Variants in DOCK4 observed in about 807,000 individuals in gnomAD.
DOCK4 encodes the protein dedicator of cytokinesis protein 4.
DOCK4 carries 97 observed loss-of-function variants against 268.1 expected under a neutral mutation model. The observed-to-expected ratio is 0.36, with a 90% CI of 0.31 to 0.43. The LOEUF (loss-of-function observed/expected upper bound fraction) is 0.43, where lower values mean the gene tolerates loss of function less well. DOCK4 is among the 20% of genes least tolerant of loss of function. The probability of loss-of-function intolerance (pLI) is 1.00; values close to 1 mark genes in which losing one functional copy is unlikely to be tolerated. For missense variants in DOCK4, 2,145 were observed against 2,455.7 expected (o/e 0.87, Z 2.67); for synonymous variants, 954 against 887.2 (o/e 1.08, Z -1.34).
intron 30 of DOCK4, among the ~76,000 whole-genome samples, chr7:111,801,159 T>C (rs1268969257): frequency 2.0e-5 from 3 of 152,204 alleles, no homozygotes; most frequent in African/African-American, 7.2e-5. Flanking sequence ...CAGAACATCA[T>C]GGCGACCCAC....
intron 1 of DOCK4, among the ~76,000 whole-genome samples, chr7:112,120,808 AG>A (rs1214188647): frequency 6.6e-6 from 1 of 152,218 alleles, no homozygotes; most frequent in African/African-American, 2.4e-5. Flanking sequence ...TGATCTTGTG[AG>A]CTTCTTCAAC....
At chr7:111,908,292 C>CA (rs1791774155) in intron 13 of DOCK4, among the ~76,000 whole-genome samples, 2 of 151,634 alleles carry the variant, frequency 1.3e-5, no homozygotes, top group East Asian at 2.0e-4. Context: ...ACTAAAAATA[C>CA]AAAAAATTAG....
At chr7:111,977,325 G>T (rs2135126004) in intron 7 of DOCK4, 42 bp from the exon 8 acceptor site, 1 of 1,565,154 alleles carries the variant, frequency 6.4e-7, no homozygotes, top group Non-Finnish European at 8.7e-7. Context: ...AGCATGGACT[G>T]AAGGAAATAA....
intron 1 of DOCK4, among the ~76,000 whole-genome samples, chr7:112,157,054 T>C (rs73715486): frequency 0.023 from 3,454 of 152,248 alleles, 124 homozygotes; most frequent in African/African-American, 0.076. Flanking sequence ...TTTTTCTCCT[T>C]CACACTTTTT....
intron 1 of DOCK4, among the ~76,000 whole-genome samples, chr7:112,034,509 G>T (rs997905278): frequency 6.6e-6 from 1 of 152,210 alleles, no homozygotes; most frequent in Admixed American, 6.5e-5. Context: ...ACTCTTGTAT[G>T]TACGAAGGCA....
chr7:112,176,356 T>C (rs1175168163), intron 1 of DOCK4, among the ~76,000 whole-genome samples: 21 of 152,150 alleles, frequency 1.4e-4, no homozygotes, highest in Non-Finnish European at 1.5e-5. Context: ...AGCCTCTGGG[T>C]CCATGAACCC....
At chr7:112,146,694 C>T (rs1339491342) in intron 1 of DOCK4, among the ~76,000 whole-genome samples, 1 of 152,180 alleles carries the variant, frequency 6.6e-6, no homozygotes, top group African/African-American at 2.4e-5. Context: ...GATGGCACCA[C>T]TGCACTTTTG....
At chr7:111,760,854 C>T (rs1426162880) in intron 39 of DOCK4, among the ~76,000 whole-genome samples, 1 of 150,814 alleles carries the variant, frequency 6.6e-6, no homozygotes, top group Admixed American at 6.6e-5. Context: ...GTTAAGACAG[C>T]TGGAAAGATG....
At chr7:111,791,462 T>C (rs1799542665) in intron 30 of DOCK4, among the ~76,000 whole-genome samples, 1 of 151,864 alleles carries the variant, frequency 6.6e-6, no homozygotes, top group African/African-American at 2.4e-5. Context: ...TTTTTGTTTT[T>C]TTTTTGACAT....
intron 1 of DOCK4, among the ~76,000 whole-genome samples, chr7:112,101,523 A>G (rs1810676114): frequency 1.3e-5 from 2 of 152,206 alleles, no homozygotes; most frequent in Admixed American, 1.3e-4. Flanking sequence ...ACCCAGTGCC[A>G]GCTTCCTGAA....
At position 111,835,096 on chromosome 7, in the gene DOCK4, G is replaced by C. The variant is rs1002357197; in HGVS notation, c.2737-410C>G. Among the ~76,000 whole-genome samples the C allele has an allele frequency of 3.3e-5, 5 of 152,182 alleles. No individual in the cohort carries two copies. The South Asian group carries it at 1.0e-3, about 32-fold the overall frequency. ...GAGGTAGGGGGTATAATACCTTTTT[G>C]AAGAAGGTAAAATGTAGTTTCTGAT... is the stretch of plus-strand genomic sequence containing the variant. On this transcript the variant is annotated intron_variant, in intron 25 of 52. Coordinates refer to ENST00000428084, the MANE Select transcript of DOCK4 (RefSeq NM_001363540.2).
chr7:112,163,670 T>C (rs1361661016), intron 1 of DOCK4, among the ~76,000 whole-genome samples: 2 of 152,244 alleles, frequency 1.3e-5, no homozygotes, highest in Non-Finnish European at 2.9e-5. Flanking sequence ...ATTAATTTAA[T>C]AGTCATAATA....
chr7:111,915,701 A>T (rs1195368465), intron 13 of DOCK4, 78 bp downstream of exon 13: 3 of 1,512,218 alleles, frequency 2.0e-6, no homozygotes, highest in East Asian at 4.7e-5. Flanking sequence ...AAAGCTGGCA[A>T]TTTGAAAAAT....
intron 25 of DOCK4, among the ~76,000 whole-genome samples, chr7:111,843,708 A>G (rs2134075246): frequency 6.6e-6 from 1 of 152,280 alleles, no homozygotes; most frequent in Admixed American, 6.5e-5. Context: ...AAACTGCCAG[A>G]TGTATTATTT....
At chr7:111,969,678 GA>G (rs57980511) in intron 8 of DOCK4, among the ~76,000 whole-genome samples, 2,224 of 144,030 alleles carry the variant, frequency 0.015, 20 homozygotes, top group African/African-American at 0.037. Flanking sequence ...AGTTGAACCA[GA>G]AAAAAAAAAA....
chr7:112,088,437 C>T (rs545753628), intron 1 of DOCK4, among the ~76,000 whole-genome samples: 1 of 152,046 alleles, frequency 6.6e-6, no homozygotes, highest in Non-Finnish European at 1.5e-5. Flanking sequence ...ACATGTAAGA[C>T]AATACTTATT....
At chr7:111,857,989 T>C in intron 23 of DOCK4, among the ~76,000 whole-genome samples, 1 of 152,192 alleles carries the variant, frequency 6.6e-6, no homozygotes, top group East Asian at 1.9e-4. Context: ...TAAATACCAA[T>C]CTATTTAGAT....
Position 111,727,988 on chromosome 7 carries a change from T to TA in DOCK4, c.*285dup, listed in dbSNP as rs369879181. On this transcript the variant is annotated 3_prime_UTR_variant, in exon 53 of 53. Transcript: ENST00000428084. Reference sequence around the variant, plus strand: ...GTATTGGTTTTAAGATTAAACTATATAAAAAAAAGTGAACATAAAAAGGTA... The same window carrying TA: ...GTATTGGTTTTAAGATTAAACTATATAAAAAAAAAGTGAACATAAAAAGGTA... 1.1e-4 allele frequency: 36 copies of TA among 327,748 alleles called. No individual in the cohort carries two copies. Among genetic ancestry groups the TA allele is most frequent in the Middle Eastern group, 1.6e-3 (2 of 1,240 alleles). 20.3% of individuals were successfully genotyped at this position (327,748 alleles called of 1,614,324 possible). A position where few individuals can be genotyped will look rare whatever the true frequency, so the allele number is the denominator to read the frequency against.
In DOCK4 at chr7:112,082,371, T is replaced by G. The variant is rs199660333; in HGVS notation, c.38-78240A>C. ...AATTAGCAGCAAGCCAGGTAGGAAG[T>G]TGGTAATTTCACAGGAAAGCCAGAG... On this transcript the variant is annotated intron_variant, in intron 1 of 52. Coordinates refer to ENST00000428084, the MANE Select transcript of DOCK4 (RefSeq NM_001363540.2). Among the ~76,000 whole-genome samples the G allele has an allele frequency of 6.6e-5, 10 of 152,122 alleles. No individual in the cohort carries two copies. In the East Asian group the frequency reaches 1.4e-3, roughly 21 times the overall value.
Sources: allele counts gnomAD v4.1 joint callset (sites outside exome capture counted in the v4.1 genomes callset), GRCh38; gene constraint gnomAD v4.1.1; transcripts MANE v1.5; gene names NCBI Gene and HGNC (gene_info 2026-07-23, HGNC 2026-07-21).